The following ORC3 variants were observed in gnomAD, a reference collection of about 807,000 sequenced individuals.
ORC3 encodes origin recognition complex subunit 3, also known as homolog of latheo, Drosophila.
A neutral mutation model predicts 100.7 loss-of-function variants in ORC3; 78 were observed. The observed-to-expected ratio is 0.77, with a 90% CI of 0.65 to 0.94. The LOEUF is 0.94. ORC3 is among the 40% of genes least tolerant of loss of function. ORC3 has a pLI of 0.00. For synonymous variants in ORC3, 295 were observed against 289.3 expected (o/e 1.02, Z -0.20); for missense variants, 789 against 823.9 (o/e 0.96, Z 0.52).
At chr6:87,627,417 T>G (rs545272321) in intron 11 of ORC3, among the ~76,000 whole-genome samples, 3 of 148,340 alleles carry the variant, frequency 2.0e-5, no homozygotes, top group Admixed American at 6.9e-5. Flanking sequence ...TGCCTCAGCC[T>G]CCCTCGTAGC....
Position 87,612,261 on chromosome 6 carries a change from A to C in ORC3, c.873+13A>C, listed in dbSNP as rs1462102889. On this transcript the variant is annotated intron_variant, in intron 8 of 19. Transcript: ENST00000392844. ...GGTACTCGATAAGGTAAAAAGAATA[A>C]GTTTTACCAGTGAAATAGGATGAAA... 1.3e-6 allele frequency: 2 copies of C among 1,568,288 alleles called. No homozygotes were observed. The highest frequency in any genetic ancestry group is 1.7e-6 in the Non-Finnish European group (2 of 1,157,562).
At chr6:87,652,722 C>T (rs940008769) in intron 13 of ORC3, among the ~76,000 whole-genome samples, 2 of 152,204 alleles carry the variant, frequency 1.3e-5, no homozygotes, top group Non-Finnish European at 2.9e-5. Context: ...AAGCACTGTG[C>T]TAGAGTCTTC....
chr6:87,675,682 A>G, the ORC3 span: 4 of 1,581,592 alleles, frequency 2.5e-6, no homozygotes, highest in Non-Finnish European at 2.6e-6. Context: ...TTGATTCCCA[A>G]TTTTGCCCCT....
downstream of ORC3, among the ~76,000 whole-genome samples, chr6:87,668,169 T>C (rs1770756182): frequency 6.6e-6 from 1 of 152,150 alleles, no homozygotes; most frequent in African/African-American, 2.4e-5. Context: ...CCAAGAGAAT[T>C]ATGGGACTTT....
At chr6:87,674,947 T>G in the ORC3 span, 1 of 150,112 alleles carries the variant, frequency 6.7e-6, no homozygotes, top group African/African-American at 2.5e-5. Context: ...GTTTTATTCT[T>G]CCAACTAAAT....
At position 87,607,756 on chromosome 6, in the gene ORC3, C is replaced by G. The variant is rs61756140; in HGVS notation, c.511C>G (p.His171Asp). The G allele has an allele frequency of 4.9e-5, 79 of 1,612,114 alleles. No homozygotes were observed. The South Asian group carries it at 8.1e-4, about 17-fold the overall frequency. ...AAAATCCAAAGAGGAGGAAAGTGTT[C>G]ACGTCACCCAAAGAAAGACACATTA... The part of the protein sequence containing the change: ...DIKSKEEESV[H>D]VTQRKTHYSM... Residue 171 changes from histidine to aspartate, a missense_variant, in exon 6 of 20, where the codon CAC becomes GAC. This residue lies in a region of ORC3 where 399 missense variants were observed against 382.0 expected (regional missense o/e 1.04). Transcript: ENST00000392844.
chr6:87,658,287 C>A (rs1384452879), intron 16 of ORC3, among the ~76,000 whole-genome samples: 1 of 152,078 alleles, frequency 6.6e-6, no homozygotes. Flanking sequence ...GAAACCCTGT[C>A]TCTACTGAAA....
downstream of ORC3, chr6:87,667,571 G>C (rs76400151): frequency 2.0e-5 from 3 of 152,456 alleles, no homozygotes; most frequent in East Asian, 5.8e-4. Flanking sequence ...GTTTCTCCTG[G>C]TGACTACATA....
intron 13 of ORC3, among the ~76,000 whole-genome samples, chr6:87,640,986 C>A (rs991296461): frequency 4.6e-5 from 7 of 151,870 alleles, no homozygotes; most frequent in Admixed American, 4.6e-4. Context: ...GCAAGCACCT[C>A]TAATCCCAGC....
chr6:87,602,006 T>G, intron 3 of ORC3, 125 bp downstream of exon 3: 1 of 620,552 alleles, frequency 1.6e-6, no homozygotes, highest in Non-Finnish European at 2.9e-6. Flanking sequence ...AAGCATAGCC[T>G]GTATATCCTT....
At chr6:87,674,320 A>AG in the ORC3 span, among the ~76,000 whole-genome samples, 4 of 151,552 alleles carry the variant, frequency 2.6e-5, no homozygotes, top group Admixed American at 2.6e-4. Context: ...AAAAAAAAAA[A>AG]AAAAATTCCT....
chr6:87,666,501 C>G (rs535308637), intron 19 of ORC3, among the ~76,000 whole-genome samples: 1 of 145,204 alleles, frequency 6.9e-6, no homozygotes, highest in Non-Finnish European at 1.5e-5. Flanking sequence ...TGCAGTGGCA[C>G]GATCTCGGCT....
chr6:87,593,522 G>A (rs140747365), intron 1 of ORC3, among the ~76,000 whole-genome samples: 3 of 152,338 alleles, frequency 2.0e-5, no homozygotes, highest in East Asian at 1.9e-4. Flanking sequence ...AAGGAGATGA[G>A]TGTTGAGTCA....
the ORC3 span, among the ~76,000 whole-genome samples, chr6:87,673,142 C>T: frequency 1.1e-5 from 1 of 89,392 alleles, no homozygotes; most frequent in Non-Finnish European, 2.2e-5. Context: ...GGCTGTGGAG[C>T]AAAAAAAAAA....
chr6:87,631,049 T>TA (rs1429813935), intron 11 of ORC3, among the ~76,000 whole-genome samples: 2 of 150,926 alleles, frequency 1.3e-5, no homozygotes, highest in Non-Finnish European at 3.0e-5. Context: ...TTAAATTTTT[T>TA]TTTTTTTTTT....
rs375214415 is a variant in ORC3 at position 87,590,182 on chromosome 6, C to G, written c.14C>G (p.Ser5Trp). 37 of 1,613,968 alleles carry G rather than the reference C, an allele frequency of 2.3e-5. No individual in the cohort carries two copies. The highest frequency in any genetic ancestry group is 3.3e-4 in the Middle Eastern group (2 of 6,082). Residue 5 changes from serine to tryptophan, a missense_variant, in exon 1 of 20, where the codon TCG becomes TGG. By Grantham distance (177) the Ser-to-Trp change is radical. Around this residue, in one of 3 missense-constraint regions of ORC3, gnomAD observed 399 missense variants for 382.0 expected, o/e 1.04. Transcript: ENST00000392844. ...GTCAGTAAGACCATGGCTACGTCCT[C>G]GATGTCTAAGGTATGTGGTGGCCGA... MATS[S>W]MSKGCFVFKP...
At chr6:87,595,332 T>C (rs1777353129) in intron 2 of ORC3, 1 of 152,248 alleles carries the variant, frequency 6.6e-6, no homozygotes, top group Non-Finnish European at 1.5e-5. Flanking sequence ...TACTCACTTA[T>C]CACTAAGATT....
rs529888380 is a variant in ORC3, at chr6:87,605,025, G to T, written c.323-892G>T. Reference sequence around the variant, plus strand: ...AATCACAGATGGTTATGTTAGGGAAGATACCAGTTAACAGAATTTTTTTCC... The same window carrying T: ...AATCACAGATGGTTATGTTAGGGAATATACCAGTTAACAGAATTTTTTTCC... On this transcript the variant is annotated intron_variant, in intron 4 of 19. Coordinates refer to ENST00000392844, the MANE Select transcript of ORC3 (RefSeq NM_012381.4). Among the ~76,000 whole-genome samples the T allele has an allele frequency of 1.1e-4, 17 of 152,246 alleles. No homozygotes were observed. In the South Asian group the frequency reaches 3.5e-3, roughly 32 times the overall value.
intron 11 of ORC3, among the ~76,000 whole-genome samples, chr6:87,634,609 A>G (rs1015425663): frequency 5.9e-5 from 9 of 152,372 alleles, no homozygotes; most frequent in African/African-American, 1.9e-4. Context: ...AGCTATCAGG[A>G]GATTAAAATA....
Sources: allele counts gnomAD v4.1 joint callset (sites outside exome capture counted in the v4.1 genomes callset), GRCh38; gene constraint gnomAD v4.1.1; regional missense constraint gnomAD v4.1.1; transcripts MANE v1.5; gene names NCBI Gene and HGNC (gene_info 2026-07-23, HGNC 2026-07-21).